SDK1: variants seen among roughly 807,000 people sequenced by gnomAD.
SDK1 encodes sidekick cell adhesion molecule 1.
Under a neutral mutation model 245.5 loss-of-function variants are expected in SDK1, and 157 were observed. The ratio of observed to expected loss-of-function variants is 0.64; its 90% CI spans 0.56 to 0.73. The LOEUF is 0.73. Among genes scored for constraint, SDK1 ranks in the 30% least tolerant of loss-of-function variants. SDK1 has a pLI of 0.00. For missense variants in SDK1, 3,583 were observed against 3,002.3 expected (o/e 1.19, Z -4.52); for synonymous variants, 1,647 against 1,278.5 (o/e 1.29, Z -6.15).
At chr7:3,899,209 C>T (rs189461499) in intron 5 of SDK1, among the ~76,000 whole-genome samples, 48 of 152,300 alleles carry the variant, frequency 3.2e-4, no homozygotes, top group African/African-American at 1.1e-3. Context: ...CCTCCATGCT[C>T]TTCTTAATAT....
intron 40 of SDK1, among the ~76,000 whole-genome samples, 186 bp downstream of exon 40, chr7:4,221,550 C>A (rs1160567897): frequency 6.6e-6 from 1 of 152,224 alleles, no homozygotes; most frequent in Non-Finnish European, 1.5e-5. Context: ...TTCATAGTCA[C>A]AACTGTGCGG....
At chr7:3,985,679 A>T (rs1382770849) in intron 13 of SDK1, among the ~76,000 whole-genome samples, 4 of 152,178 alleles carry the variant, frequency 2.6e-5, no homozygotes, top group Non-Finnish European at 5.9e-5. Context: ...AACTTAATTC[A>T]CAATTAAAGA....
intron 1 of SDK1, among the ~76,000 whole-genome samples, chr7:3,499,612 T>A (rs1782132356): frequency 6.6e-6 from 1 of 152,152 alleles, no homozygotes; most frequent in Non-Finnish European, 1.5e-5. Flanking sequence ...CATAAAGCAG[T>A]GTATTGTTGT....
chr7:3,426,674 A>G (rs1022917271), intron 1 of SDK1, among the ~76,000 whole-genome samples: 3 of 152,246 alleles, frequency 2.0e-5, no homozygotes, highest in East Asian at 1.9e-4. Flanking sequence ...CTGCATTTGA[A>G]TATTTCTTAA....
intron 1 of SDK1, among the ~76,000 whole-genome samples, chr7:3,480,083 G>A (rs1255562701): frequency 6.6e-6 from 1 of 152,162 alleles, no homozygotes; most frequent in Non-Finnish European, 1.5e-5. Flanking sequence ...AATTAAGATA[G>A]CAGAAGGAAT....
intron 5 of SDK1, among the ~76,000 whole-genome samples, chr7:3,885,451 T>C (rs536933633): frequency 6.6e-6 from 1 of 152,270 alleles, no homozygotes; most frequent in Non-Finnish European, 1.5e-5. Context: ...TTTCTGTTTA[T>C]TGTACGTTAT....
In SDK1 at chr7:3,950,975, C is replaced by T. The variant is rs1481901229; in HGVS notation, c.900C>T (p.Gly300=). Residue 300 remains glycine, a synonymous_variant, in exon 6 of 45, where the codon GGC becomes GGT. Transcript: ENST00000404826. Reference sequence around the variant, plus strand: ...CCCCAACCATTGTGGTTCCCCCGGGCAACAGAAGTGTGGTGGCTGGATCCA... The same window carrying T: ...CCCCAACCATTGTGGTTCCCCCGGGTAACAGAAGTGTGGTGGCTGGATCCA... ...TMAPTIVVPP[G]NRSVVAGSSE... 6.2e-7 allele frequency: 1 copy of T among 1,614,014 alleles called. No individual in the cohort carries two copies. The highest frequency in any genetic ancestry group is 1.7e-5 in the Admixed American group (1 of 60,008).
rs372267505 is a variant in SDK1 at position 3,498,286 on chromosome 7, G to A, written c.299-120794G>A. 6.6e-5 allele frequency among the ~76,000 whole-genome samples: 10 copies of A among 152,214 alleles called. No homozygotes were observed. In the South Asian group the frequency reaches 1.2e-3, roughly 19 times the overall value. ...TAGATTTTATCTCTTCTTAGATTTTGCTAGAGTTTAAAACTTAGGTAGACT... is the reference window on the plus strand; with the variant it reads ...TAGATTTTATCTCTTCTTAGATTTTACTAGAGTTTAAAACTTAGGTAGACT... On this transcript the variant is annotated intron_variant, in intron 1 of 44. Transcript: ENST00000404826.
intron 40 of SDK1, chr7:4,227,031 C>CGGA (rs1434953924): frequency 5.5e-6 from 1 of 181,672 alleles, no homozygotes; most frequent in African/African-American, 2.4e-5. Flanking sequence ...ACCCCCCAGC[C>CGGA]GGAGGCCTGG....
chr7:3,443,079 C>G (rs1158780480), intron 1 of SDK1, among the ~76,000 whole-genome samples: 3 of 147,892 alleles, frequency 2.0e-5, no homozygotes, highest in East Asian at 3.9e-4. Flanking sequence ...TTTTTTTTTT[C>G]CCTCCCAAGT....
chr7:3,503,340 A>T (rs55716539), intron 1 of SDK1, among the ~76,000 whole-genome samples: 15,458 of 152,212 alleles, frequency 0.1, 1,132 homozygotes, highest in African/African-American at 0.2. Flanking sequence ...TGATGATTGA[A>T]TCTTGTCAGA....
intron 5 of SDK1, among the ~76,000 whole-genome samples, chr7:3,874,850 A>C (rs1781036981): frequency 6.6e-6 from 1 of 152,156 alleles, no homozygotes; most frequent in Non-Finnish European, 1.5e-5. Flanking sequence ...TCTTCCAGGA[A>C]CATAGGGGAG....
At chr7:3,907,720 G>A (rs577222008) in intron 5 of SDK1, among the ~76,000 whole-genome samples, 3 of 152,288 alleles carry the variant, frequency 2.0e-5, no homozygotes, top group Admixed American at 1.3e-4. Flanking sequence ...GTGTAGCACC[G>A]CAACAGCAGA....
At chr7:3,772,390 C>T (rs1344241947) in intron 4 of SDK1, among the ~76,000 whole-genome samples, 1 of 152,092 alleles carries the variant, frequency 6.6e-6, no homozygotes. Context: ...TTTATATCTT[C>T]ATTCCCACTG....
At chr7:3,318,799 A>G (rs998760127) in intron 1 of SDK1, among the ~76,000 whole-genome samples, 1 of 152,226 alleles carries the variant, frequency 6.6e-6, no homozygotes, top group African/African-American at 2.4e-5. Context: ...AACTCAACAA[A>G]GAAGGAATAT....
intron 16 of SDK1, among the ~76,000 whole-genome samples, chr7:4,013,795 A>G (rs1024842934): frequency 1.2e-4 from 18 of 152,238 alleles, no homozygotes; most frequent in Non-Finnish European, 1.0e-4. Context: ...AATAGCTCCA[A>G]TCAATAGCAA....
At chr7:3,665,137 G>A (rs150785650) in intron 4 of SDK1, among the ~76,000 whole-genome samples, 75 of 152,260 alleles carry the variant, frequency 4.9e-4, no homozygotes, top group African/African-American at 1.8e-3. Context: ...TCGTAGATGG[G>A]CCCTTCCTAT....
intron 14 of SDK1, among the ~76,000 whole-genome samples, chr7:4,010,367 C>T (rs1158895033): frequency 1.3e-5 from 2 of 152,196 alleles, no homozygotes; most frequent in Non-Finnish European, 2.9e-5. Flanking sequence ...CAGAGTCCCT[C>T]TTGCACACCT....
chr7:4,072,542 C>T (rs959172736), intron 20 of SDK1, among the ~76,000 whole-genome samples: 1 of 152,226 alleles, frequency 6.6e-6, no homozygotes, highest in Non-Finnish European at 1.5e-5. Context: ...CATAGTTTTC[C>T]AGTGGAACAT....
Sources: gnomAD v4.1 joint callset for allele counts (sites outside exome capture counted in the v4.1 genomes callset) on GRCh38, gnomAD v4.1.1 for gene constraint, MANE v1.5 for transcripts, NCBI Gene and HGNC (gene_info 2026-07-23, HGNC 2026-07-21) for gene names.